EPC1: variants seen among roughly 807,000 people sequenced by gnomAD.
EPC1 encodes enhancer of polycomb homolog 1.
EPC1 carries 12 observed loss-of-function variants against 98.4 expected under a neutral mutation model. The observed-to-expected ratio is 0.12, with a 90% confidence interval of 0.08 to 0.20. The LOEUF (loss-of-function observed/expected upper bound fraction) is 0.20, where lower values mean the gene tolerates loss of function less well. EPC1 is among the 10% of genes least tolerant of loss of function. The pLI, the probability that EPC1 is intolerant of heterozygous loss-of-function variation, is 1.00. For synonymous variants in EPC1, 357 were observed against 363.9 expected, an observed-to-expected ratio of 0.98 and a Z score of 0.21; for missense variants, 729 against 990.5, an observed-to-expected ratio of 0.74 and a Z score of 3.54.
At chr10:32,357,720 A>G (rs928811463) in intron 1 of EPC1, among the ~76,000 whole-genome samples, 6 of 152,032 alleles carry the variant, frequency 3.9e-5, no homozygotes, top group Admixed American at 2.0e-4. Context: ...TCAGCCTTCT[A>G]AAGTGCTGGG....
chr10:32,350,461 A>G (rs1839079291), upstream of EPC1, among the ~76,000 whole-genome samples: 1 of 152,222 alleles, frequency 6.6e-6, no homozygotes, highest in African/African-American at 2.4e-5. Context: ...GCTCATGGGA[A>G]TGAAATGCTA....
intron 1 of EPC1, among the ~76,000 whole-genome samples, chr10:32,343,637 C>T (rs1838524628): frequency 6.7e-6 from 1 of 150,226 alleles, no homozygotes; most frequent in African/African-American, 2.5e-5. Context: ...TTTTTCAGTA[C>T]TACTACAATT....
chr10:32,358,278 A>G (rs116749173), intron 1 of EPC1, among the ~76,000 whole-genome samples: 1,746 of 152,334 alleles, frequency 0.011, 37 homozygotes, highest in African/African-American at 0.04. Flanking sequence ...CTCTTAAAGT[A>G]TAGAATGCAC....
intron 1 of EPC1, among the ~76,000 whole-genome samples, chr10:32,340,446 T>C (rs186035840): frequency 2.6e-4 from 40 of 152,316 alleles, no homozygotes; most frequent in African/African-American, 9.6e-4. Flanking sequence ...AATCACTACC[T>C]ATTATTACAG....
chr10:32,305,926 A>G lies in EPC1; in HGVS notation c.159T>C (p.His53=). The G allele has an allele frequency of 6.3e-7, 1 of 1,597,546 alleles. No individual in the cohort carries two copies. Among genetic ancestry groups the G allele is most frequent in the Non-Finnish European group, 8.5e-7 (1 of 1,174,450 alleles). Residue 53 remains histidine, a synonymous_variant, in exon 2 of 14, where the codon CAT becomes CAC. Transcript: ENST00000319778. ...TGMEKEEESE[H]HLQRAISAQQ... is the part of the protein sequence containing the mutation. ...GTGCTGAAATAGCCCGCTGAAGATG[A>G]TGTTCCTAAAAAGAAGAAAAAACAG... is the stretch of plus-strand genomic sequence containing the variant.
At chr10:32,286,258 G>C (rs1265889321) in intron 9 of EPC1, 1 of 158,394 alleles carries the variant, frequency 6.3e-6, no homozygotes, top group Non-Finnish European at 1.4e-5. Flanking sequence ...AGAACAATTA[G>C]ATCCTAACAA....
At chr10:32,285,344 C>T (rs751208377) in intron 9 of EPC1, 10 of 272,938 alleles carry the variant, frequency 3.7e-5, no homozygotes, top group Non-Finnish European at 6.8e-5. Context: ...TAAGCAAAAA[C>T]TTCATTCCTT....
intron 1 of EPC1, among the ~76,000 whole-genome samples, chr10:32,337,187 C>T (rs1254041009): frequency 6.6e-6 from 1 of 152,192 alleles, no homozygotes; most frequent in Non-Finnish European, 1.5e-5. Flanking sequence ...TAGGGCAAGT[C>T]CAGAACAGTC....
At chr10:32,353,610 G>C (rs1219796532) in intron 1 of EPC1, among the ~76,000 whole-genome samples, 3 of 152,160 alleles carry the variant, frequency 2.0e-5, no homozygotes, top group Non-Finnish European at 2.9e-5. Context: ...GTTTGTGTTG[G>C]AGAAACAATA....
At chr10:32,270,270 A>C (rs975630272) in intron 13 of EPC1, among the ~76,000 whole-genome samples, 2 of 152,236 alleles carry the variant, frequency 1.3e-5, no homozygotes, top group Admixed American at 6.5e-5. Context: ...GCTTTGTGAT[A>C]TCTACAATTA....
chr10:32,311,179 G>C (rs1390414398), intron 1 of EPC1, among the ~76,000 whole-genome samples: 1 of 152,040 alleles, frequency 6.6e-6, no homozygotes, highest in African/African-American at 2.4e-5. Flanking sequence ...CGGGTGTGGT[G>C]GTGGGCGCCT....
rs756562692 is a variant in EPC1 at position 32,284,963 on chromosome 10, T to C, written c.1479A>G (p.Pro493=). ...CTGAGGTATTGGCAAACTGATTGAC[T>C]GGAGAATGTTGTGGTGAGGAAAGCA... ...LEMLSSPQHS[P]VNQFANTSET... The change falls in exon 10 of 14, where the codon CCA becomes CCG. Residue 493 remains proline (P), a synonymous_variant. Transcript: ENST00000319778. 1 of 1,614,214 alleles carries C rather than the reference T, an allele frequency of 6.2e-7. No homozygotes were observed. The highest frequency in any genetic ancestry group is 8.5e-7 in the Non-Finnish European group (1 of 1,180,034).
At chr10:32,293,988 A>C (rs2132742325) in intron 2 of EPC1, among the ~76,000 whole-genome samples, 1 of 152,216 alleles carries the variant, frequency 6.6e-6, no homozygotes, top group Non-Finnish European at 1.5e-5. Context: ...CCCTCCAACC[A>C]CTCCTAAAAG....
intron 2 of EPC1, among the ~76,000 whole-genome samples, chr10:32,295,570 C>T (rs1434907792): frequency 6.6e-6 from 1 of 152,070 alleles, no homozygotes; most frequent in East Asian, 1.9e-4. Context: ...CTCATTTTGT[C>T]ATTATTACGT....
Position 32,271,549 on chromosome 10 carries a change from C to A in EPC1, c.2369+5G>T. 6.2e-7 allele frequency: 1 copy of A among 1,608,962 alleles called. No homozygotes were observed. The highest frequency in any genetic ancestry group is 8.5e-7 in the Non-Finnish European group (1 of 1,176,024). ...CAGGTATGTTAGGCAAAAATAACTA[C>A]TCACCTTGGAACTGAATCTACAGAG... On this transcript the variant is annotated splice_donor_5th_base_variant and intron_variant, in intron 13 of 13. Transcript: ENST00000319778.
At chr10:32,283,752 C>T (rs1429000810) in intron 10 of EPC1, 1 of 152,118 alleles carries the variant, frequency 6.6e-6, no homozygotes, top group Non-Finnish European at 1.5e-5. Context: ...TAATTCTGGT[C>T]AGGAGCAGAC....
At chr10:32,286,332 T>C in intron 9 of EPC1, 1 of 216,418 alleles carries the variant, frequency 4.6e-6, no homozygotes, top group East Asian at 1.1e-4. Context: ...CCCATTATAC[T>C]AGCTAGTGTG....
At chr10:32,311,916 G>GACTACT (rs1836255886) in intron 1 of EPC1, among the ~76,000 whole-genome samples, 1 of 152,208 alleles carries the variant, frequency 6.6e-6, no homozygotes, top group Non-Finnish European at 1.5e-5. Context: ...TGTAGTGTTA[G>GACTACT]ACTACTACTG....
At chr10:32,343,749 G>A (rs1363079685) in intron 1 of EPC1, among the ~76,000 whole-genome samples, 4 of 150,986 alleles carry the variant, frequency 2.6e-5, no homozygotes, top group Non-Finnish European at 5.9e-5. Context: ...AGTCTGCCTC[G>A]TTAGGCCCGT....
Sources: allele counts gnomAD v4.1 joint callset (sites outside exome capture counted in the v4.1 genomes callset), GRCh38; gene constraint gnomAD v4.1.1; transcripts MANE v1.5; gene names NCBI Gene and HGNC (gene_info 2026-07-23, HGNC 2026-07-21).